The following SRD5A2 variants were observed in gnomAD, a reference collection of about 807,000 sequenced individuals.
The protein encoded by SRD5A2 is 3-oxo-5-alpha-steroid 4-dehydrogenase 2.
Under a neutral mutation model 27.4 loss-of-function variants are expected in SRD5A2, and 30 were observed. That is an observed-to-expected ratio of 1.10 (90% confidence interval 0.82 to 1.49). The LOEUF (loss-of-function observed/expected upper bound fraction) is 1.49, where lower values mean the gene tolerates loss of function less well. Among genes scored for constraint, SRD5A2 ranks in the 40% most tolerant of loss-of-function variants. SRD5A2 has a pLI of 0.00. For missense variants in SRD5A2, 348 were observed against 323.4 expected, an observed-to-expected ratio of 1.08 and a Z score of -0.58; for synonymous variants, 141 against 133.6, an observed-to-expected ratio of 1.06 and a Z score of -0.38.
intron 3 of SRD5A2, among the ~76,000 whole-genome samples, chr2:31,530,829 C>G (rs1472512427): frequency 6.6e-6 from 1 of 152,136 alleles, no homozygotes; most frequent in Non-Finnish European, 1.5e-5. Flanking sequence ...ACATGCTCAC[C>G]TTTATCTCCA....
the SRD5A2 span, among the ~76,000 whole-genome samples, chr2:31,633,740 G>C: frequency 6.6e-6 from 1 of 152,126 alleles, no homozygotes; most frequent in Admixed American, 6.5e-5. Flanking sequence ...CTGTTGAGCG[G>C]GGGGACTGCA....
the SRD5A2 span, among the ~76,000 whole-genome samples, chr2:31,611,982 A>G: frequency 6.6e-6 from 1 of 152,316 alleles, no homozygotes; most frequent in Admixed American, 6.5e-5. Context: ...AACAGTATAT[A>G]TTAAGGATAA....
At chr2:31,603,773 C>A in the SRD5A2 span, among the ~76,000 whole-genome samples, 1 of 151,930 alleles carries the variant, frequency 6.6e-6, no homozygotes, top group Non-Finnish European at 1.5e-5. Flanking sequence ...AACCATTATC[C>A]TCAGCAAACT....
intron 1 of SRD5A2, among the ~76,000 whole-genome samples, chr2:31,575,151 A>T (rs1376417774): frequency 6.6e-6 from 1 of 152,074 alleles, no homozygotes; most frequent in Non-Finnish European, 1.5e-5. Context: ...AAGAGGAGAG[A>T]TTTGTCTATT....
intron 4 of SRD5A2, chr2:31,527,663 G>C (rs28383079): frequency 0.044 from 6,644 of 152,218 alleles, 262 homozygotes; most frequent in Admixed American, 0.12. Flanking sequence ...TCCCATTCCC[G>C]CTCTGCCTCT....
the SRD5A2 span, among the ~76,000 whole-genome samples, chr2:31,638,883 T>G: frequency 6.6e-6 from 1 of 152,092 alleles, no homozygotes; most frequent in African/African-American, 2.4e-5. Flanking sequence ...TCTGTGCCTT[T>G]GAATTAGAGA....
chr2:31,534,216 T>C (rs11892064), intron 1 of SRD5A2, among the ~76,000 whole-genome samples: 26,296 of 152,194 alleles, frequency 0.17, 2,632 homozygotes, highest in African/African-American at 0.28. Flanking sequence ...CTGATAATCC[T>C]AGTTTTCTAC....
chr2:31,608,802 C>T, the SRD5A2 span, among the ~76,000 whole-genome samples: 2 of 151,898 alleles, frequency 1.3e-5, no homozygotes, highest in African/African-American at 4.8e-5. Context: ...ATCCCATGTC[C>T]ACGGTTTGGA....
chr2:31,582,395 G>A (rs1239549152), upstream of SRD5A2, among the ~76,000 whole-genome samples: 1 of 152,156 alleles, frequency 6.6e-6, no homozygotes, highest in Non-Finnish European at 1.5e-5. Context: ...TCTGCTTGCT[G>A]ACCAAGAGTC....
intron 1 of SRD5A2, among the ~76,000 whole-genome samples, chr2:31,536,466 A>G (rs140123540): frequency 1.7e-4 from 26 of 152,278 alleles, no homozygotes; most frequent in African/African-American, 6.0e-4. Flanking sequence ...CTTAATGACC[A>G]TGCTTCAGGC....
At chr2:31,645,531 T>C in the SRD5A2 span, among the ~76,000 whole-genome samples, 1 of 152,210 alleles carries the variant, frequency 6.6e-6, no homozygotes, top group Non-Finnish European at 1.5e-5. Context: ...TTAGTTCAAT[T>C]TGTGTTGAGC....
the SRD5A2 span, among the ~76,000 whole-genome samples, chr2:31,593,311 T>A: frequency 4.6e-5 from 7 of 151,102 alleles, no homozygotes; most frequent in African/African-American, 1.7e-4. Context: ...GGATGAAAAA[T>A]TCTTCAGAGA....
chr2:31,553,272 A>G (rs1666417678), intron 1 of SRD5A2, among the ~76,000 whole-genome samples: 1 of 152,164 alleles, frequency 6.6e-6, no homozygotes, highest in Admixed American at 6.6e-5. Context: ...AGCCTAAGGG[A>G]CATATGAGAC....
the SRD5A2 span, among the ~76,000 whole-genome samples, chr2:31,602,044 G>C: frequency 6.6e-6 from 1 of 152,044 alleles, no homozygotes; most frequent in Non-Finnish European, 1.5e-5. Context: ...CATAGTATTG[G>C]AAGTTCTGGC....
chr2:31,532,503 C>G (rs1013976340), intron 2 of SRD5A2, among the ~76,000 whole-genome samples: 12 of 152,046 alleles, frequency 7.9e-5, no homozygotes, highest in Non-Finnish European at 1.8e-4. Flanking sequence ...TCCACTGGTA[C>G]AGAAAGGGCC....
chr2:31,628,075 T>C, the SRD5A2 span, among the ~76,000 whole-genome samples: 1 of 152,160 alleles, frequency 6.6e-6, no homozygotes, highest in East Asian at 1.9e-4. Flanking sequence ...AGTGGGGTGT[T>C]AAAATCTTTC....
rs1553322989 is a variant in SRD5A2, at chr2:31,526,106, G to GATATATATATATATATATATAT, written c.*89_*90insATATATATATATATATATATAT. The GATATATATATATATATATATAT allele has an allele frequency of 3.7e-6, 3 of 806,672 alleles. No homozygotes were observed. The African/African-American group carries it at 6.5e-5, about 17-fold the overall frequency. The allele number at this position is 806,672 out of a possible 1,614,324, so 50.0% of individuals were successfully genotyped here. ...GGAGACCTACTATTACATATATACGGGACTATTATATCATGAAAATTACAG... is the reference window on the plus strand; with the variant it reads ...GGAGACCTACTATTACATATATACGGATATATATATATATATATATATGACTATTATATCATGAAAATTACAG... On this transcript the variant is annotated 3_prime_UTR_variant, in exon 5 of 5. Coordinates refer to ENST00000622030, the MANE Select transcript of SRD5A2 (RefSeq NM_000348.4).
the SRD5A2 span, among the ~76,000 whole-genome samples, chr2:31,644,576 G>A: frequency 6.6e-6 from 1 of 152,160 alleles, no homozygotes; most frequent in African/African-American, 2.4e-5. Context: ...TGATCTGACA[G>A]GAGGCAGAGC....
At chr2:31,634,758 C>T in the SRD5A2 span, among the ~76,000 whole-genome samples, 2 of 151,988 alleles carry the variant, frequency 1.3e-5, no homozygotes, top group African/African-American at 2.4e-5. Flanking sequence ...TTTTTTAGCT[C>T]CCACATATAA....
Sources: gnomAD v4.1 joint callset for allele counts (sites outside exome capture counted in the v4.1 genomes callset) on GRCh38, gnomAD v4.1.1 for gene constraint, MANE v1.5 for transcripts, NCBI Gene and HGNC (gene_info 2026-07-23, HGNC 2026-07-21) for gene names.